KCNE3: variants seen among roughly 807,000 people sequenced by gnomAD.
KCNE3 encodes potassium voltage-gated channel subfamily E regulatory subunit 3, also known as potassium voltage-gated channel subfamily E member 3.
Under a neutral mutation model 4.3 loss-of-function variants are expected in KCNE3, and 2 were observed. That is an observed-to-expected ratio of 0.47 (90% CI 0.19 to 1.48). The LOEUF (loss-of-function observed/expected upper bound fraction) is 1.48. Among genes scored for constraint, KCNE3 ranks in the 40% most tolerant of loss-of-function variants. The pLI is 0.25. For synonymous variants in KCNE3, 47 were observed against 52.0 expected (o/e 0.90, Z 0.41); for missense variants, 128 against 136.8 (o/e 0.94, Z 0.32).
In KCNE3 at chr11:74,457,436, G is replaced by C; in HGVS notation, c.128C>G (p.Thr43Ser). 6.2e-7 allele frequency: 1 copy of C among 1,613,982 alleles called. No homozygotes were observed. Among genetic ancestry groups the C allele is most frequent in the South Asian group, 1.1e-5 (1 of 91,084 alleles). The change falls in exon 3 of 3, where the codon ACT becomes AGT. Residue 43 changes from threonine to serine, a missense_variant. Transcript: ENST00000310128. ...AGGTAGGCTGGCCCGCCTCTCTTCA[G>C]TCTGGTTGTCTGGCCCCAGCCCTGG... is the stretch of plus-strand genomic sequence containing the variant. ...PGPGLGPDNQ[T>S]EERRASLPGR...
intron 1 of KCNE3, among the ~76,000 whole-genome samples, chr11:74,463,098 C>T (rs1863989560): frequency 6.6e-6 from 1 of 152,128 alleles, no homozygotes; most frequent in Admixed American, 6.5e-5. Context: ...GAGAGATTTA[C>T]TCATTTTTCC....
At chr11:74,460,580 A>C (rs116335296) in intron 2 of KCNE3, among the ~76,000 whole-genome samples, 37 of 152,348 alleles carry the variant, frequency 2.4e-4, no homozygotes, top group African/African-American at 8.7e-4. Context: ...AAGATGAAGG[A>C]AACATGAGCA....
At chr11:74,465,130 G>A (rs1325997736) in intron 1 of KCNE3, among the ~76,000 whole-genome samples, 6 of 142,642 alleles carry the variant, frequency 4.2e-5, no homozygotes, top group South Asian at 2.3e-4. Flanking sequence ...GTGTGTATGT[G>A]TGTGTGTGTA....
rs561701767 is a variant in KCNE3 at position 74,455,354 on chromosome 11, G to C, written c.*1898C>G. On this transcript the variant is annotated 3_prime_UTR_variant, in exon 3 of 3. Coordinates refer to ENST00000310128, the MANE Select transcript of KCNE3 (RefSeq NM_005472.5). The stretch of plus-strand genomic sequence containing the variant: ...ACAAACAGAACAGTGGATGGTTCTA[G>C]CTGAGATCTGGGATAGTTTCTGAAT... The C allele has an allele frequency of 6.6e-6, 1 of 152,316 alleles. No individual in the cohort carries two copies. Among genetic ancestry groups the C allele is most frequent in the East Asian group, 1.9e-4 (1 of 5,182 alleles). The allele number at this position is 152,316 out of a possible 1,614,324, so 9.4% of individuals were successfully genotyped here. A position where few individuals can be genotyped will look rare whatever the true frequency, so the allele number is the denominator to read the frequency against.
At chr11:74,460,644 G>C (rs1337091458) in intron 2 of KCNE3, among the ~76,000 whole-genome samples, 1 of 152,224 alleles carries the variant, frequency 6.6e-6, no homozygotes, top group Non-Finnish European at 1.5e-5. Flanking sequence ...GTAGCATAAA[G>C]AGGTTGGAGT....
In KCNE3 at chr11:74,457,570, A is replaced by C; in HGVS notation, c.-7T>G. 1.2e-6 allele frequency: 2 copies of C among 1,613,872 alleles called. No homozygotes were observed. Among genetic ancestry groups the C allele is most frequent in the Non-Finnish European group, 1.7e-6 (2 of 1,179,772 alleles). ...TTCCATTGGTAGTCTCCATAGCAAC[A>C]GGGATTGAGGTGGGGGAAGACTCGG... is the stretch of plus-strand genomic sequence containing the variant. On this transcript the variant is annotated 5_prime_UTR_variant, in exon 3 of 3. Transcript: ENST00000310128.
chr11:74,466,314 G>T (rs995413183), intron 1 of KCNE3, among the ~76,000 whole-genome samples: 3 of 152,202 alleles, frequency 2.0e-5, no homozygotes, highest in Non-Finnish European at 4.4e-5. Flanking sequence ...GCTTTGAGAC[G>T]TATAGACTGA....
chr11:74,466,548 T>G (rs533963641), intron 1 of KCNE3, among the ~76,000 whole-genome samples: 41 of 152,336 alleles, frequency 2.7e-4, no homozygotes, highest in African/African-American at 9.4e-4. Flanking sequence ...CTGTTTGGTC[T>G]CTGTTGTAAC....
intron 2 of KCNE3, among the ~76,000 whole-genome samples, chr11:74,458,662 G>A (rs1186109324): frequency 1.3e-4 from 20 of 152,058 alleles, no homozygotes; most frequent in East Asian, 7.7e-4. Flanking sequence ...GGTGAAACCC[G>A]TCTCTACTAA....
At chr11:74,465,106 GTGTGTGTGTGTGTGTGTGTA>G (rs1423798230) in intron 1 of KCNE3, among the ~76,000 whole-genome samples, 3 of 151,156 alleles carry the variant, frequency 2.0e-5, no homozygotes, top group African/African-American at 7.3e-5. Flanking sequence ...GAAACTCTGT[GTGTGTGTGTGTGTGTGTGTA>G]TGTGTGTGTG....
At chr11:74,465,138 GTA>G (rs1864035080) in intron 1 of KCNE3, among the ~76,000 whole-genome samples, 1 of 152,002 alleles carries the variant, frequency 6.6e-6, no homozygotes. Flanking sequence ...GTGTGTGTGT[GTA>G]TGTGTATGTG....
rs1703974048 is a variant in KCNE3, at chr11:74,456,247, G to A, written c.*1005C>T. On this transcript the variant is annotated 3_prime_UTR_variant, in exon 3 of 3. Coordinates refer to ENST00000310128, the MANE Select transcript of KCNE3 (RefSeq NM_005472.5). ...CTCAGGTGGCTGAGGCAGGATAATT[G>A]CTTGAACCCGGGAGGTGGGGGTTGC... 1 of 146,240 alleles carries A rather than the reference G, an allele frequency of 6.8e-6. No individual in the cohort carries two copies. Among genetic ancestry groups the A allele is most frequent in the African/African-American group, 2.5e-5 (1 of 40,020 alleles). The allele number at this position is 146,240 out of a possible 1,614,324, so 9.1% of individuals were successfully genotyped here.
In KCNE3 at chr11:74,457,406, C is replaced by G. The variant is rs565287436; in HGVS notation, c.158G>C (p.Arg53Pro). ...AATGTACATGTAGGAGTTGTCATCA[C>G]GGCCAGGTAGGCTGGCCCGCCTCTC... ...TEERRASLPG[R>P]DDNSYMYILF... Residue 53 changes from arginine (R) to proline (P), a missense_variant, in exon 3 of 3, where the codon CGT becomes CCT. By Grantham distance (103) the Arg-to-Pro change is moderately radical (BLOSUM62 -2). Transcript: ENST00000310128. 1 of 1,613,700 alleles carries G rather than the reference C, an allele frequency of 6.2e-7. No individual in the cohort carries two copies. The highest frequency in any genetic ancestry group is 1.3e-5 in the African/African-American group (1 of 74,950).
At chr11:74,459,315 G>A (rs939135026) in intron 2 of KCNE3, among the ~76,000 whole-genome samples, 1 of 133,246 alleles carries the variant, frequency 7.5e-6, no homozygotes, top group African/African-American at 2.8e-5. Flanking sequence ...AGGCTGCAGT[G>A]CAGTGGCGCA....
At position 74,457,620 on chromosome 11, in the gene KCNE3, A is replaced by G. The variant is rs551016677; in HGVS notation, c.-40-17T>C. On this transcript the variant is annotated splice_polypyrimidine_tract_variant and intron_variant, in intron 2 of 2. Transcript: ENST00000310128. ...GTAGAAGCTCTGGTGGCAAAAGAAA[A>G]GAGAGAGGGGATGGCTCTGTCACCT... 5.7e-4 allele frequency: 872 copies of G among 1,517,664 alleles called. 1 individual carries two copies. In the African/African-American group the frequency reaches 0.011, roughly 19 times the overall value. The allele number at this position is 1,517,664 out of a possible 1,614,324, so 94.0% of individuals were successfully genotyped here. A position where few individuals can be genotyped will look rare whatever the true frequency, so the allele number is the denominator to read the frequency against.
rs967580818 is a variant in KCNE3, at chr11:74,455,923, T to C, written c.*1329A>G. On this transcript the variant is annotated 3_prime_UTR_variant, in exon 3 of 3. Coordinates refer to ENST00000310128, the MANE Select transcript of KCNE3 (RefSeq NM_005472.5). ...TTGTATTTTTTTAGTAGATGGGGTT[T>C]CACCATGTTGGCCAGGCTGGTCTCG... 6.6e-6 allele frequency: 1 copy of C among 151,618 alleles called. No individual in the cohort carries two copies. Among genetic ancestry groups the C allele is most frequent in the Non-Finnish European group, 1.5e-5 (1 of 67,894 alleles). The allele number at this position is 151,618 out of a possible 1,614,324, so 9.4% of individuals were successfully genotyped here.
rs1211692455 is a variant in KCNE3, at chr11:74,455,848, C to T, written c.*1404G>A. 6.6e-6 allele frequency: 1 copy of T among 151,972 alleles called. No homozygotes were observed. The highest frequency in any genetic ancestry group is 1.5e-5 in the Non-Finnish European group (1 of 68,012). The allele number at this position is 151,972 out of a possible 1,614,324, so 9.4% of individuals were successfully genotyped here. The stretch of plus-strand genomic sequence containing the variant: ...GTTCAAACAATTCTCCTGCCTCAGC[C>T]TCCCAAGTAGCTGGGAATACGGGCA... On this transcript the variant is annotated 3_prime_UTR_variant, in exon 3 of 3. Transcript: ENST00000310128.
Position 74,457,469 on chromosome 11 carries a change from C to A in KCNE3, c.95G>T (p.Arg32Leu). 1 of 1,614,140 alleles carries A rather than the reference C, an allele frequency of 6.2e-7. No homozygotes were observed. ...NATLHSNLLC[R>L]PGPGLGPDNQ... is the part of the protein sequence containing the mutation. ...GTCTGGCCCCAGCCCTGGCCCTGGC[C>A]GGCAGAGCAAATTGCTGTGAAGAGT... Residue 32 changes from arginine to leucine, a missense_variant, in exon 3 of 3, where the codon CGG becomes CTG. Physicochemically the swap from Arg to Leu is moderately radical, Grantham distance 102. Coordinates refer to ENST00000310128, the MANE Select transcript of KCNE3 (RefSeq NM_005472.5).
chr11:74,460,640 T>C (rs902393149), intron 2 of KCNE3, among the ~76,000 whole-genome samples: 1 of 152,092 alleles, frequency 6.6e-6, no homozygotes, highest in African/African-American at 2.4e-5. Context: ...GAAAGTAGCA[T>C]AAAGAGGTTG....
Sources: gnomAD v4.1 joint callset for allele counts (sites outside exome capture counted in the v4.1 genomes callset) on GRCh38, gnomAD v4.1.1 for gene constraint, MANE v1.5 for transcripts, NCBI Gene and HGNC (gene_info 2026-07-23, HGNC 2026-07-21) for gene names.